CHN1: variants seen among roughly 807,000 people sequenced by gnomAD.
The protein encoded by CHN1 is N-chimaerin.
In CHN1, 37 loss-of-function variants were observed where a neutral mutation model predicts 59.5. The observed-to-expected ratio is 0.62, with a 90% CI of 0.48 to 0.82. The LOEUF (loss-of-function observed/expected upper bound fraction) is 0.82. Ranked by LOEUF, CHN1 falls within the 40% of genes least tolerant of loss-of-function variation. CHN1 has a pLI of 0.00. For synonymous variants in CHN1, 206 were observed against 200.4 expected (o/e 1.03, Z -0.24); for missense variants, 469 against 571.0 (o/e 0.82, Z 1.82).
intron 7 of CHN1, among the ~76,000 whole-genome samples, chr2:174,831,058 T>G (rs1685863748): frequency 6.6e-6 from 1 of 152,190 alleles, no homozygotes; most frequent in Non-Finnish European, 1.5e-5. Context: ...TGGTAAAATA[T>G]GATCATACTA....
chr2:174,941,882 T>G (rs1291291705), intron 3 of CHN1, among the ~76,000 whole-genome samples: 1 of 152,182 alleles, frequency 6.6e-6, no homozygotes, highest in Non-Finnish European at 1.5e-5. Context: ...AATAATATGT[T>G]TAAAAGTTAC....
chr2:174,963,762 A>C (rs955886191), intron 1 of CHN1, among the ~76,000 whole-genome samples: 2 of 152,190 alleles, frequency 1.3e-5, no homozygotes, highest in Non-Finnish European at 2.9e-5. Flanking sequence ...AGAGTCGGAG[A>C]AAGCAAACCA....
At chr2:174,945,112 T>C (rs1415982558) in intron 2 of CHN1, 169 bp from the exon 3 acceptor site, 1 of 552,500 alleles carries the variant, frequency 1.8e-6, no homozygotes, top group Non-Finnish European at 3.3e-6. Context: ...CTACATATAG[T>C]GAAAGCCCAG....
intron 1 of CHN1, among the ~76,000 whole-genome samples, chr2:174,972,412 C>A (rs1231783012): frequency 6.6e-6 from 1 of 152,190 alleles, no homozygotes; most frequent in Non-Finnish European, 1.5e-5. Context: ...ATCCCTAACC[C>A]AATTTCAAAT....
chr2:174,821,628 T>G, intron 8 of CHN1: 1 of 301,602 alleles, frequency 3.3e-6, no homozygotes, highest in Non-Finnish European at 7.0e-6. Flanking sequence ...GCCCCTTTTA[T>G]ACTCTTCTGC....
intron 3 of CHN1, among the ~76,000 whole-genome samples, chr2:174,929,353 G>A (rs546434257): frequency 5.3e-5 from 8 of 152,216 alleles, no homozygotes; most frequent in Non-Finnish European, 1.2e-4. Context: ...CAAGGTGGGC[G>A]GATCACCTGA....
chr2:174,936,824 T>C (rs1190899542), intron 3 of CHN1, among the ~76,000 whole-genome samples: 2 of 152,192 alleles, frequency 1.3e-5, no homozygotes, highest in African/African-American at 2.4e-5. Context: ...GTAGCAACAT[T>C]ATTAAGAATA....
At chr2:174,977,921 TA>T (rs1691002941) in intron 1 of CHN1, among the ~76,000 whole-genome samples, 2 of 152,198 alleles carry the variant, frequency 1.3e-5, no homozygotes, top group Admixed American at 1.3e-4. Context: ...ATAAAATGTT[TA>T]AAAGATATAA....
At chr2:174,957,452 G>C (rs949768341) in intron 1 of CHN1, among the ~76,000 whole-genome samples, 1 of 140,944 alleles carries the variant, frequency 7.1e-6, no homozygotes, top group Admixed American at 7.1e-5. Context: ...GTGTTGGGGG[G>C]GGGGGCAGTT....
At chr2:174,898,272 C>A (rs563377616) in intron 5 of CHN1, among the ~76,000 whole-genome samples, 1 of 152,220 alleles carries the variant, frequency 6.6e-6, no homozygotes, top group South Asian at 2.1e-4. Flanking sequence ...ATACTTTGAA[C>A]ATGGGAGAAA....
intron 3 of CHN1, 111 bp downstream of exon 3, chr2:174,944,777 G>C: frequency 1.5e-6 from 1 of 648,646 alleles, no homozygotes; most frequent in Middle Eastern, 2.5e-4. Flanking sequence ...TTATCATATC[G>C]ATTAGTGTTA....
At chr2:174,997,810 T>G (rs1288252352) in intron 1 of CHN1, among the ~76,000 whole-genome samples, 2 of 151,850 alleles carry the variant, frequency 1.3e-5, no homozygotes, top group African/African-American at 2.4e-5. Context: ...GGCGGGAGGA[T>G]CACGAGGTCA....
At chr2:174,811,874 C>T (rs1332452063) in intron 9 of CHN1, among the ~76,000 whole-genome samples, 4 of 152,264 alleles carry the variant, frequency 2.6e-5, no homozygotes, top group Admixed American at 6.5e-5. Flanking sequence ...AATTCTTTTA[C>T]ATAACAGAAG....
chr2:174,937,850 T>C (rs1418029348), intron 3 of CHN1, among the ~76,000 whole-genome samples: 1 of 152,254 alleles, frequency 6.6e-6, no homozygotes, highest in East Asian at 1.9e-4. Flanking sequence ...CCTTCCACCA[T>C]GACTGTGAGC....
intron 5 of CHN1, among the ~76,000 whole-genome samples, chr2:174,896,020 G>T (rs13399746): frequency 0.058 from 8,805 of 151,916 alleles, 402 homozygotes; most frequent in African/African-American, 0.13. Flanking sequence ...ATCTATGTTT[G>T]CTTATATGAC....
chr2:174,988,216 G>A (rs1318281349), intron 1 of CHN1, among the ~76,000 whole-genome samples: 1 of 151,550 alleles, frequency 6.6e-6, no homozygotes, highest in African/African-American at 2.4e-5. Flanking sequence ...AATTAGCCGG[G>A]CATGGTGGTG....
rs1684626873 is a variant in CHN1, at chr2:174,798,824, T to C, written c.*1292A>G. 6.6e-6 allele frequency among the ~76,000 whole-genome samples: 1 copy of C among 152,260 alleles called. No individual in the cohort carries two copies. The highest frequency in any genetic ancestry group is 6.5e-5 in the Admixed American group (1 of 15,288). ...ATCTTCAAAGTTTGAACATGTGTCT[T>C]TTATTGTTAAAAATTTGAAAACAGG... On this transcript the variant is annotated 3_prime_UTR_variant, in exon 13 of 13. Coordinates refer to ENST00000409900, the MANE Select transcript of CHN1 (RefSeq NM_001822.7).
intron 1 of CHN1, among the ~76,000 whole-genome samples, chr2:174,983,733 CAGG>C (rs1691240680): frequency 6.6e-6 from 1 of 152,114 alleles, no homozygotes; most frequent in Non-Finnish European, 1.5e-5. Flanking sequence ...GAGGCTGAAG[CAGG>C]AGAATTAGTT....
At chr2:174,963,812 C>A (rs943922977) in intron 1 of CHN1, among the ~76,000 whole-genome samples, 2 of 152,162 alleles carry the variant, frequency 1.3e-5, no homozygotes, top group African/African-American at 4.8e-5. Context: ...ACAAGCACAA[C>A]TCATGGAGCC....
Sources: allele counts gnomAD v4.1 joint callset (sites outside exome capture counted in the v4.1 genomes callset), GRCh38; gene constraint gnomAD v4.1.1; transcripts MANE v1.5; gene names NCBI Gene and HGNC (gene_info 2026-07-23, HGNC 2026-07-21).